Variants in RABGEF1 observed in about 807,000 individuals in gnomAD.
The protein encoded by RABGEF1 is rab5 GDP/GTP exchange factor.
In RABGEF1, 26 loss-of-function variants were observed where a neutral mutation model predicts 57.3. That is an observed-to-expected ratio of 0.45 (90% confidence interval 0.33 to 0.63). The LOEUF is 0.63. Among genes scored for constraint, RABGEF1 ranks in the 20% least tolerant of loss-of-function variants. The pLI is 0.02. For synonymous variants in RABGEF1, 185 were observed against 210.7 expected (o/e 0.88, Z 1.06); for missense variants, 464 against 607.6 (o/e 0.76, Z 2.48).
chr7:66,732,234 TG>T (rs909306959), intron 2 of RABGEF1, among the ~76,000 whole-genome samples: 11 of 152,302 alleles, frequency 7.2e-5, no homozygotes, highest in African/African-American at 2.6e-4. Flanking sequence ...CCATGCCAGC[TG>T]CAGCTAGCCA....
chr7:66,654,784 A>G, the RABGEF1 span, among the ~76,000 whole-genome samples: 3 of 152,144 alleles, frequency 2.0e-5, no homozygotes, highest in Admixed American at 1.3e-4. Flanking sequence ...CCTTCGTCCC[A>G]CATTCCAGCC....
chr7:66,794,770 A>G (rs1027975365), intron 4 of RABGEF1, among the ~76,000 whole-genome samples: 1 of 152,176 alleles, frequency 6.6e-6, no homozygotes, highest in Non-Finnish European at 1.5e-5. Context: ...TCCTTACAAA[A>G]TTATTTATAC....
intron 2 of RABGEF1, among the ~76,000 whole-genome samples, chr7:66,774,931 T>A (rs371600188): frequency 2.0e-5 from 3 of 152,362 alleles, no homozygotes; most frequent in African/African-American, 7.2e-5. Context: ...AGCAGTTGTT[T>A]ACTTACCTTT....
intron 3 of RABGEF1, 146 bp downstream of exon 3, chr7:66,775,539 C>A: frequency 2.2e-6 from 2 of 895,318 alleles, no homozygotes; most frequent in Non-Finnish European, 3.3e-6. Context: ...GCTTGAGGGT[C>A]AGACAGTATA....
intron 1 of RABGEF1, among the ~76,000 whole-genome samples, chr7:66,764,631 G>A (rs1431903072): frequency 6.6e-5 from 10 of 152,144 alleles, no homozygotes; most frequent in Non-Finnish European, 1.0e-4. Flanking sequence ...GTTTTTGTAC[G>A]TGGTATGAAG....
chr7:66,747,549 G>T (rs1800532760), intron 1 of RABGEF1, among the ~76,000 whole-genome samples: 1 of 152,014 alleles, frequency 6.6e-6, no homozygotes, highest in Admixed American at 6.6e-5. Flanking sequence ...TCGCTTTTGG[G>T]GGATTTTCAC....
the RABGEF1 span, among the ~76,000 whole-genome samples, chr7:66,676,793 A>G: frequency 1.9e-4 from 29 of 152,202 alleles, no homozygotes; most frequent in African/African-American, 6.8e-4. Context: ...TATGTTGCCC[A>G]GGCTGGTTTC....
At chr7:66,758,451 T>C (rs749755377) in intron 1 of RABGEF1, among the ~76,000 whole-genome samples, 4 of 152,202 alleles carry the variant, frequency 2.6e-5, no homozygotes, top group Non-Finnish European at 4.4e-5. Flanking sequence ...GCATTCTTTA[T>C]GCCCAGGTTG....
rs182657538 is a variant in RABGEF1, at chr7:66,720,435, C to T, written c.-815+8211C>T. 3.3e-3 allele frequency among the ~76,000 whole-genome samples: 501 copies of T among 150,728 alleles called. 1 individual carries two copies. Among genetic ancestry groups the T allele is most frequent in the African/African-American group, 0.012 (473 of 41,030 alleles). ...CTGGTCTCGAACTCCTAGCCTCAAG[C>T]GATCCACTCACCTCAGCCTCCTAAA... On this transcript the variant is annotated intron_variant and NMD_transcript_variant, in intron 2 of 9. Coordinates refer to the RABGEF1 transcript ENST00000607882.
At chr7:66,789,873 C>G (rs528912470) in intron 4 of RABGEF1, among the ~76,000 whole-genome samples, 1 of 152,104 alleles carries the variant, frequency 6.6e-6, no homozygotes, top group African/African-American at 2.4e-5. Context: ...GCATTGTCTC[C>G]CAGCCTTCTC....
intron 8 of RABGEF1, among the ~76,000 whole-genome samples, chr7:66,805,893 C>T (rs78348925): frequency 6.6e-6 from 1 of 151,690 alleles, no homozygotes. Context: ...CACAGGCATG[C>T]ACCATCACAC....
the RABGEF1 span, among the ~76,000 whole-genome samples, chr7:66,655,729 C>G: frequency 1.8e-3 from 277 of 152,232 alleles, 1 homozygote; most frequent in African/African-American, 6.4e-3. Context: ...GCCAGAGATG[C>G]AAGAAAATGT....
chr7:66,659,561 C>CTT, the RABGEF1 span, among the ~76,000 whole-genome samples: 1 of 151,980 alleles, frequency 6.6e-6, no homozygotes, highest in South Asian at 2.1e-4. Context: ...AGGTGGATCA[C>CTT]TTGAGTTCAA....
At chr7:66,739,523 G>A (rs1175953399), upstream of RABGEF1, among the ~76,000 whole-genome samples, 1 of 151,510 alleles carries the variant, frequency 6.6e-6, no homozygotes, top group East Asian at 2.0e-4. Flanking sequence ...TGAGCTGGGC[G>A]TGGTGGCGGG....
chr7:66,761,311 G>A (rs1301506905), intron 1 of RABGEF1, among the ~76,000 whole-genome samples: 1 of 152,164 alleles, frequency 6.6e-6, no homozygotes, highest in Admixed American at 6.5e-5. Flanking sequence ...GCAACTCTGG[G>A]CCTCCAGAAG....
intron 1 of RABGEF1, among the ~76,000 whole-genome samples, chr7:66,711,846 A>C (rs1211903609): frequency 6.6e-5 from 10 of 152,118 alleles, no homozygotes; most frequent in Non-Finnish European, 4.4e-5. Context: ...TCGGCCTCCC[A>C]GAGTGCTGGG....
At chr7:66,697,438 C>T (rs905548984) in intron 1 of RABGEF1, among the ~76,000 whole-genome samples, 48 of 152,264 alleles carry the variant, frequency 3.2e-4, no homozygotes, top group Admixed American at 2.6e-4. Context: ...TGGGTCAAAC[C>T]GACGTCTCTC....
In RABGEF1 at chr7:66,810,543, G is replaced by A. The variant is rs1262809921; in HGVS notation, c.*1259G>A. 1 of 152,220 alleles carries A rather than the reference G, an allele frequency of 6.6e-6. No homozygotes were observed. Among genetic ancestry groups the A allele is most frequent in the African/African-American group, 2.4e-5 (1 of 41,456 alleles). 9.4% of individuals were successfully genotyped at this position (152,220 alleles called of 1,614,324 possible). A position where few individuals can be genotyped will look rare whatever the true frequency, so the allele number is the denominator to read the frequency against. ...CAAAGAATCTTGCACTCAATGCACA[G>A]TGTGATGTTAACTAAAACGAGTTAA... On this transcript the variant is annotated 3_prime_UTR_variant, in exon 9 of 9. Coordinates refer to ENST00000284957, the MANE Select transcript of RABGEF1 (RefSeq NM_014504.3).
At chr7:66,752,191 CA>C (rs1432807996) in intron 1 of RABGEF1, among the ~76,000 whole-genome samples, 1 of 148,480 alleles carries the variant, frequency 6.7e-6, no homozygotes, top group Non-Finnish European at 1.5e-5. Context: ...GACTCTGTCC[CA>C]ATTAAAAAAA....
Sources: gnomAD v4.1 joint callset for allele counts (sites outside exome capture counted in the v4.1 genomes callset) on GRCh38, gnomAD v4.1.1 for gene constraint, MANE v1.5 for transcripts, NCBI Gene and HGNC (gene_info 2026-07-23, HGNC 2026-07-21) for gene names.